Variants in CLTRN observed in about 807,000 individuals in gnomAD.
CLTRN encodes collectrin.
Under a neutral mutation model 14.5 loss-of-function variants are expected in CLTRN, and 12 were observed. The observed-to-expected ratio is 0.83, with a 90% CI of 0.53 to 1.34. The LOEUF is 1.34. CLTRN is among the 40% of genes most tolerant of loss of function. CLTRN has a pLI of 0.00. For synonymous variants in CLTRN, 58 were observed against 56.5 expected (o/e 1.03, Z -0.12); for missense variants, 154 against 165.1 (o/e 0.93, Z 0.37).
chrX:15,656,481 G>A (rs898154588), intron 3 of CLTRN, among the ~76,000 whole-genome samples: 3 of 111,135 alleles, frequency 2.7e-5, no homozygotes, highest in African/African-American at 9.8e-5. Context: ...TGGGCGGGGG[G>A]GAGACAATAA....
At chrX:15,668,370 C>T (rs1043683686), upstream of CLTRN, among the ~76,000 whole-genome samples, 2 of 112,090 alleles carry the variant, frequency 1.8e-5, no homozygotes, top group African/African-American at 3.2e-5. Flanking sequence ...TCATGTGATA[C>T]GAGCATTATA....
At chrX:15,670,877 CAAGTGTGTGTGTGTGT>C (rs1416227708) in intron 1 of CLTRN, among the ~76,000 whole-genome samples, 59 of 76,733 alleles carry the variant, frequency 7.7e-4, no homozygotes, top group Non-Finnish European at 1.2e-3. Context: ...AAAAGGGAGA[CAAGTGTGTGTGTGTGT>C]GTGTGTGTGT....
intron 1 of CLTRN, among the ~76,000 whole-genome samples, chrX:15,673,279 C>G (rs1187915305): frequency 8.9e-6 from 1 of 112,498 alleles, no homozygotes; most frequent in Non-Finnish European, 1.9e-5. Flanking sequence ...AGTGAGATCT[C>G]TTGCCCACCT....
At chrX:15,674,843 G>C (rs1019242979) in intron 1 of CLTRN, 2 of 113,577 alleles carry the variant, frequency 1.8e-5, no homozygotes, top group Non-Finnish European at 3.7e-5. Flanking sequence ...CCTAACGCGT[G>C]ACCAGAAGTG....
At chrX:15,657,923 A>G (rs977921176) in intron 3 of CLTRN, among the ~76,000 whole-genome samples, 1 of 111,464 alleles carries the variant, frequency 9.0e-6, no homozygotes, top group Non-Finnish European at 1.9e-5. Context: ...CTCAAATTCC[A>G]CTCTTCTGTT....
chrX:15,630,314 A>C (rs1474515452), intron 5 of CLTRN, among the ~76,000 whole-genome samples: 1 of 109,931 alleles, frequency 9.1e-6, no homozygotes, highest in African/African-American at 3.3e-5. Context: ...AGGTAAAGTT[A>C]CTCAGGCAGT....
chrX:15,629,643 G>A (rs1185224958), intron 5 of CLTRN, among the ~76,000 whole-genome samples: 1 of 111,392 alleles, frequency 9.0e-6, no homozygotes, highest in Non-Finnish European at 1.9e-5. Context: ...AATAGGAACA[G>A]AAAATCACCA....
At chrX:15,635,069 T>C (rs958647557) in intron 5 of CLTRN, among the ~76,000 whole-genome samples, 8 of 111,958 alleles carry the variant, frequency 7.1e-5, no homozygotes, top group Non-Finnish European at 1.1e-4. Flanking sequence ...CAACCTCTTC[T>C]AGGTATTTCA....
intron 3 of CLTRN, chrX:15,646,456 G>GCCCCCCCCCCCCCCCCCCC: frequency 3.5e-6 from 1 of 286,257 alleles, no homozygotes; most frequent in Non-Finnish European, 6.6e-6. Flanking sequence ...AGAAAACCGC[G>GCCCCCCCCCCCCCCCCCCC]CACCCACCCC....
intron 3 of CLTRN, among the ~76,000 whole-genome samples, chrX:15,652,647 TTCTTTGAACTGTATCATGAACATGGTC>T (rs932284065): frequency 1.8e-5 from 2 of 111,968 alleles, no homozygotes; most frequent in African/African-American, 6.5e-5. Context: ...GGTTTGTTTT[TTCTTTGAACTGTATCATGAACATGGTC>T]ACACCACAAG....
upstream of CLTRN, chrX:15,665,037 C>A (rs1315438437): frequency 3.0e-6 from 1 of 337,151 alleles, no homozygotes; most frequent in African/African-American, 2.7e-5. Context: ...AAAAGAATGT[C>A]TTCTTTGCTG....
chrX:15,644,790 T>C, intron 4 of CLTRN, 126 bp downstream of exon 4: 1 of 457,071 alleles, frequency 2.2e-6, no homozygotes, highest in East Asian at 4.0e-5. Context: ...CAAAATGAAA[T>C]CTTTGTCATT....
intron 3 of CLTRN, among the ~76,000 whole-genome samples, chrX:15,652,997 C>A (rs185211616): frequency 8.3e-4 from 92 of 111,056 alleles, no homozygotes; most frequent in Middle Eastern, 4.6e-3. Context: ...AGGAGAATTG[C>A]GTTAACCGAG....
rs200118112 is a variant in CLTRN, at chrX:15,634,942, A to AAAATAAAT, written c.512+4612_512+4619dup. 2.1e-3 allele frequency among the ~76,000 whole-genome samples: 220 copies of AAAATAAAT among 107,232 alleles called. 4 individuals carry two copies. Among genetic ancestry groups the AAAATAAAT allele is most frequent in the African/African-American group, 6.6e-3 (193 of 29,335 alleles). The allele number at this position is 107,232 out of a possible 115,157, so 93.1% of individuals were successfully genotyped here. A position where few individuals can be genotyped will look rare whatever the true frequency, so the allele number is the denominator to read the frequency against. On this transcript the variant is annotated intron_variant, in intron 5 of 5. Coordinates refer to ENST00000380342, the MANE Select transcript of CLTRN (RefSeq NM_020665.6). ...AAAACTTAAATTATAATAATAATAA[A>AAAATAAAT]AAATAAATAAATAAATAAATAAATA...
chrX:15,629,191 C>A (rs1928634142), intron 5 of CLTRN, among the ~76,000 whole-genome samples: 1 of 110,814 alleles, frequency 9.0e-6, no homozygotes, highest in Non-Finnish European at 1.9e-5. Context: ...TGTGGAAATG[C>A]CAAATAGCAG....
intron 3 of CLTRN, chrX:15,646,458 A>AT: frequency 8.7e-5 from 20 of 228,779 alleles, no homozygotes; most frequent in Non-Finnish European, 1.2e-4. Context: ...AAAACCGCGC[A>AT]CCCACCCCCC....
intron 3 of CLTRN, among the ~76,000 whole-genome samples, chrX:15,654,236 T>A (rs904408570): frequency 8.9e-6 from 1 of 112,791 alleles, no homozygotes; most frequent in African/African-American, 3.2e-5. Context: ...TATCCTTGAA[T>A]AATTAGGCAG....
chrX:15,645,392 T>C (rs191052708), intron 3 of CLTRN, among the ~76,000 whole-genome samples: 264 of 111,013 alleles, frequency 2.4e-3, no homozygotes, highest in Middle Eastern at 4.6e-3. Flanking sequence ...CTCATTCAAC[T>C]CTTTTTAGTG....
At chrX:15,632,836 ATC>A (rs1928730064) in intron 5 of CLTRN, among the ~76,000 whole-genome samples, 2 of 98,605 alleles carry the variant, frequency 2.0e-5, no homozygotes, top group Admixed American at 1.1e-4. Context: ...GTGAGCCAAG[ATC>A]TTGCCACTGC....
Sources: allele counts gnomAD v4.1 joint callset (sites outside exome capture counted in the v4.1 genomes callset), GRCh38; gene constraint gnomAD v4.1.1; transcripts MANE v1.5; gene names NCBI Gene and HGNC (gene_info 2026-07-23, HGNC 2026-07-21).